Variants in IFT81 observed in about 807,000 individuals in gnomAD.
The protein encoded by IFT81 is intraflagellar transport protein 81 homolog.
In IFT81, 72 loss-of-function variants were observed where a neutral mutation model predicts 102.6. The ratio of observed to expected loss-of-function variants is 0.70; its 90% CI spans 0.58 to 0.85. The LOEUF (loss-of-function observed/expected upper bound fraction) is 0.85, where lower values mean the gene tolerates loss of function less well. Among genes scored for constraint, IFT81 ranks in the 40% least tolerant of loss-of-function variants. The pLI is 0.00. For missense variants in IFT81, 723 were observed against 787.3 expected, an observed-to-expected ratio of 0.92 and a Z score of 0.98; for synonymous variants, 237 against 242.7, an observed-to-expected ratio of 0.98 and a Z score of 0.22.
intron 8 of IFT81, among the ~76,000 whole-genome samples, chr12:110,138,946 G>A (rs1894679997): frequency 6.6e-6 from 1 of 152,100 alleles, no homozygotes; most frequent in African/African-American, 2.4e-5. Flanking sequence ...ATTTTTCAAG[G>A]TCTAAGTTAA....
intron 11 of IFT81, among the ~76,000 whole-genome samples, chr12:110,172,942 T>TGGGGGG (rs1438951746): frequency 2.6e-5 from 3 of 114,412 alleles, no homozygotes; most frequent in Non-Finnish European, 3.8e-5. Flanking sequence ...GGGAGGGAGG[T>TGGGGGG]GGGGGTCAGC....
chr12:110,142,851 T>C (rs1012827404), intron 8 of IFT81, among the ~76,000 whole-genome samples: 26 of 152,188 alleles, frequency 1.7e-4, no homozygotes, highest in Admixed American at 1.2e-3. Flanking sequence ...TGCAGTGAGC[T>C]GAGATAGTGC....
chr12:110,212,841 G>GAA (rs112515013), intron 18 of IFT81, among the ~76,000 whole-genome samples: 20 of 142,506 alleles, frequency 1.4e-4, no homozygotes, highest in African/African-American at 4.9e-4. Context: ...CCATCTCAAA[G>GAA]AAAAAAAAAA....
At chr12:110,178,195 C>T (rs79367365) in intron 11 of IFT81, among the ~76,000 whole-genome samples, 22,075 of 149,980 alleles carry the variant, frequency 0.15, 2,389 homozygotes, top group African/African-American at 0.32. Flanking sequence ...GGGCAGATGA[C>T]CTGACGTCAG....
intron 14 of IFT81, among the ~76,000 whole-genome samples, chr12:110,200,003 A>G (rs183042054): frequency 5.4e-4 from 83 of 152,314 alleles, no homozygotes; most frequent in Non-Finnish European, 3.7e-4. Context: ...CATTAAAATC[A>G]CTGTGTTACC....
At position 110,155,413 on chromosome 12, in the gene IFT81, C is replaced by T. The variant is rs552666536; in HGVS notation, c.1042-7506C>T. 1.6e-4 allele frequency among the ~76,000 whole-genome samples: 25 copies of T among 152,164 alleles called. 3 individuals carry two copies. The highest frequency in any genetic ancestry group is 5.2e-4 in the Admixed American group (8 of 15,286). The stretch of plus-strand genomic sequence containing the variant: ...GCAACCTCCACTTCCCTAGTTCAAG[C>T]GATTCTCCTGCCTCAGCCTCCCGAG... On this transcript the variant is annotated intron_variant, in intron 10 of 18. Coordinates refer to ENST00000242591, the MANE Select transcript of IFT81 (RefSeq NM_014055.4).
intron 14 of IFT81, among the ~76,000 whole-genome samples, chr12:110,202,790 T>C (rs1368396910): frequency 1.3e-5 from 2 of 152,134 alleles, no homozygotes; most frequent in African/African-American, 4.8e-5. Flanking sequence ...TTTGGCAAGG[T>C]ACTTGTTCTC....
At position 110,135,414 on chromosome 12, in the gene IFT81, C is replaced by G; in HGVS notation, c.673C>G (p.Gln225Glu). 3 of 1,607,888 alleles carry G rather than the reference C, an allele frequency of 1.9e-6. No homozygotes were observed. The highest frequency in any genetic ancestry group is 2.6e-6 in the Non-Finnish European group (3 of 1,175,574). ...AGAGAGAGAAGAATATCTTGCACAA[C>G]AGAAACAGGAACAAAAGAATCAGGT... ...EKEREEYLAQ[Q>E]KQEQKNQLFH... is the part of the protein sequence containing the mutation. The change falls in exon 7 of 19, where the codon CAG (glutamine) becomes GAG (glutamate). Residue 225 changes from glutamine (Q) to glutamate (E), a missense_variant. Physicochemically the swap from Gln to Glu is conservative, Grantham distance 29 (BLOSUM62 2). Transcript: ENST00000242591.
At chr12:110,204,510 G>C (rs1385447345) in intron 15 of IFT81, 1 of 154,222 alleles carries the variant, frequency 6.5e-6, no homozygotes, top group Non-Finnish European at 1.4e-5. Flanking sequence ...TCATGTCCAT[G>C]TGCTCTACTC....
At chr12:110,180,765 T>TGC (rs1897289818) in intron 12 of IFT81, among the ~76,000 whole-genome samples, 194 bp downstream of exon 12, 1 of 152,250 alleles carries the variant, frequency 6.6e-6, no homozygotes, top group Non-Finnish European at 1.5e-5. Flanking sequence ...TTTGTGTGTG[T>TGC]GCTGACTTCG....
intron 11 of IFT81, among the ~76,000 whole-genome samples, chr12:110,178,483 T>C (rs891110143): frequency 3.3e-5 from 5 of 151,590 alleles, no homozygotes; most frequent in Admixed American, 6.6e-5. Context: ...AGATAGTGGC[T>C]TTGAGTGAAC....
At position 110,209,153 on chromosome 12, in the gene IFT81, AT is replaced by A; in HGVS notation, c.1803-16del. ...ATTTGAAGTAAATTGAAAGTAAATCATTATGTTGACTCCCTAGGGAACAGTA... is the reference window on the plus strand; with the variant it reads ...ATTTGAAGTAAATTGAAAGTAAATCATATGTTGACTCCCTAGGGAACAGTA... On this transcript the variant is annotated splice_polypyrimidine_tract_variant and intron_variant, in intron 17 of 18. Transcript: ENST00000242591. 1 of 1,432,940 alleles carries A rather than the reference AT, an allele frequency of 7.0e-7. No individual in the cohort carries two copies. Among genetic ancestry groups the A allele is most frequent in the Non-Finnish European group, 9.7e-7 (1 of 1,029,156 alleles). 88.8% of individuals were successfully genotyped at this position (1,432,940 alleles called of 1,614,324 possible).
chr12:110,130,517 C>T (rs1894101384), intron 4 of IFT81, among the ~76,000 whole-genome samples: 1 of 151,696 alleles, frequency 6.6e-6, no homozygotes, highest in African/African-American at 2.4e-5. Flanking sequence ...TTACAGGTGC[C>T]CACCACCACA....
chr12:110,147,022 G>A lies in IFT81; in HGVS notation c.1015G>A (p.Gly339Ser). 6.2e-7 allele frequency: 1 copy of A among 1,610,818 alleles called. No homozygotes were observed. Among genetic ancestry groups the A allele is most frequent in the Non-Finnish European group, 8.5e-7 (1 of 1,178,470 alleles). The part of the protein sequence containing the change: ...KKMMRNEPIE[G>S]KLSLYRQQAS... ...AATGATGAGAAATGAGCCCATTGAA[G>A]GCAAACTCTCACTGTATAGGCAACA... The change falls in exon 10 of 19, where the codon GGC becomes AGC. Residue 339 changes from glycine to serine, a missense_variant. Transcript: ENST00000242591.
intron 18 of IFT81, 71 bp downstream of exon 18, chr12:110,209,287 G>T: frequency 3.1e-6 from 2 of 649,252 alleles, no homozygotes; most frequent in South Asian, 5.0e-5. Context: ...CATGGTTTAT[G>T]ACTGTCATTG....
intron 11 of IFT81, among the ~76,000 whole-genome samples, chr12:110,173,389 GGCGCCTCTGCCCGGC>G (rs902412518): frequency 4.6e-5 from 7 of 151,390 alleles, no homozygotes; most frequent in African/African-American, 9.7e-5. Flanking sequence ...GGAGGTGAGG[GGCGCCTCTGCCCGGC>G]CGCCCCTACT....
rs990592209 is a variant in IFT81, at chr12:110,218,719, C to T, written c.*493C>T. 6.6e-6 allele frequency: 1 copy of T among 152,164 alleles called. No homozygotes were observed. The highest frequency in any genetic ancestry group is 1.5e-5 in the Non-Finnish European group (1 of 68,050). 9.4% of individuals were successfully genotyped at this position (152,164 alleles called of 1,614,324 possible). A position where few individuals can be genotyped will look rare whatever the true frequency, so the allele number is the denominator to read the frequency against. Reference sequence around the variant, plus strand: ...AATGCAAGAAAATTTAATATTTTGACTAACATGTCTTTTCTGTTTGTATCA... The same window carrying T: ...AATGCAAGAAAATTTAATATTTTGATTAACATGTCTTTTCTGTTTGTATCA... On this transcript the variant is annotated 3_prime_UTR_variant, in exon 19 of 19. Coordinates refer to ENST00000242591, the MANE Select transcript of IFT81 (RefSeq NM_014055.4).
chr12:110,206,367 A>G (rs1397309255), intron 17 of IFT81, among the ~76,000 whole-genome samples: 3 of 152,238 alleles, frequency 2.0e-5, no homozygotes, highest in Admixed American at 6.5e-5. Context: ...ATAAAATGCA[A>G]TCATTGAACA....
At chr12:110,125,692 G>T (rs536008412) in intron 1 of IFT81, among the ~76,000 whole-genome samples, 2 of 152,332 alleles carry the variant, frequency 1.3e-5, no homozygotes, top group South Asian at 4.1e-4. Context: ...ACAGCTCCCG[G>T]CAGCAACTCA....
Sources: gnomAD v4.1 joint callset for allele counts (sites outside exome capture counted in the v4.1 genomes callset) on GRCh38, gnomAD v4.1.1 for gene constraint, MANE v1.5 for transcripts, NCBI Gene and HGNC (gene_info 2026-07-23, HGNC 2026-07-21) for gene names.